JPH3: variants seen among roughly 807,000 people sequenced by gnomAD.
JPH3 encodes the protein junctophilin-3.
A neutral mutation model predicts 59.6 loss-of-function variants in JPH3; 11 were observed. The ratio of observed to expected loss-of-function variants is 0.18; its 90% CI spans 0.12 to 0.31. The LOEUF (loss-of-function observed/expected upper bound fraction) is 0.31. JPH3 is among the 10% of genes least tolerant of loss of function. JPH3 has a pLI of 1.00. For synonymous variants in JPH3, 673 were observed against 483.6 expected, an observed-to-expected ratio of 1.39 and a Z score of -5.14; for missense variants, 1,202 against 1,105.7, an observed-to-expected ratio of 1.09 and a Z score of -1.24.
At chr16:87,638,792 C>T (rs917851491) in intron 1 of JPH3, among the ~76,000 whole-genome samples, 5 of 152,178 alleles carry the variant, frequency 3.3e-5, no homozygotes, top group African/African-American at 1.2e-4. Context: ...GCTGAGAATT[C>T]AGGGACAGGA....
chr16:87,669,501 C>G (rs945069078), intron 2 of JPH3, among the ~76,000 whole-genome samples: 1 of 152,248 alleles, frequency 6.6e-6, no homozygotes, highest in African/African-American at 2.4e-5. Context: ...CTGGCAGCCT[C>G]TGAGCCTCAG....
intron 2 of JPH3, among the ~76,000 whole-genome samples, chr16:87,667,304 C>T (rs764598502): frequency 6.6e-5 from 10 of 152,332 alleles, no homozygotes; most frequent in Middle Eastern, 3.4e-3. Context: ...ATGCTTTTCC[C>T]GACGTGAATG....
intron 2 of JPH3, among the ~76,000 whole-genome samples, chr16:87,666,669 C>T (rs2032872428): frequency 6.6e-6 from 1 of 152,196 alleles, no homozygotes; most frequent in South Asian, 2.1e-4. Flanking sequence ...CTGGGTTCTC[C>T]AGACCCCCTC....
At chr16:87,684,090 C>T in intron 2 of JPH3, 52 bp from the exon 3 acceptor site, 2 of 1,423,650 alleles carry the variant, frequency 1.4e-6, no homozygotes, top group South Asian at 1.2e-5. Context: ...AACCCAGACC[C>T]CTGTCACCTG....
intron 1 of JPH3, among the ~76,000 whole-genome samples, chr16:87,641,270 T>C (rs925826736): frequency 6.6e-6 from 1 of 152,154 alleles, no homozygotes; most frequent in African/African-American, 2.4e-5. Flanking sequence ...TGCCACAGCC[T>C]AGTGGGTGGG....
chr16:87,672,082 C>T (rs956314343), intron 2 of JPH3, among the ~76,000 whole-genome samples: 67 of 151,848 alleles, frequency 4.4e-4, no homozygotes, highest in African/African-American at 1.5e-3. Context: ...CTAGGCTCCT[C>T]GCCGGGCGGG....
At chr16:87,696,218 C>A (rs1343247425) in intron 4 of JPH3, 1 of 438,994 alleles carries the variant, frequency 2.3e-6, no homozygotes, top group Admixed American at 2.6e-5. Flanking sequence ...GAGAAGCCTG[C>A]TGACTGGCAC....
rs1172040891 is a variant in JPH3 at position 87,697,620 on chromosome 16, A to C, written c.*960A>C. The C allele has an allele frequency of 6.6e-6, 1 of 152,238 alleles. No individual in the cohort carries two copies. Among genetic ancestry groups the C allele is most frequent in the African/African-American group, 2.4e-5 (1 of 41,414 alleles). 9.4% of individuals were successfully genotyped at this position (152,238 alleles called of 1,614,324 possible). ...TCTCCACGGGTTTTCACATCTCTGTACTGTGCCTGCCTCAACTTCCCCTAA... is the reference window on the plus strand; with the variant it reads ...TCTCCACGGGTTTTCACATCTCTGTCCTGTGCCTGCCTCAACTTCCCCTAA... On this transcript the variant is annotated 3_prime_UTR_variant, in exon 5 of 5. Transcript: ENST00000284262.
intron 2 of JPH3, among the ~76,000 whole-genome samples, chr16:87,676,825 C>G (rs770433268): frequency 2.6e-5 from 4 of 151,572 alleles, no homozygotes; most frequent in Non-Finnish European, 5.9e-5. Context: ...CACATGAGGT[C>G]AGGAGTTCAA....
At chr16:87,678,253 T>C (rs548592618) in intron 2 of JPH3, among the ~76,000 whole-genome samples, 1 of 150,502 alleles carries the variant, frequency 6.6e-6, no homozygotes, top group African/African-American at 2.4e-5. Context: ...AAAAATAAGA[T>C]TATAAACCAG....
intron 2 of JPH3, among the ~76,000 whole-genome samples, chr16:87,660,978 C>T (rs527298549): frequency 5.9e-5 from 9 of 152,316 alleles, no homozygotes; most frequent in African/African-American, 1.7e-4. Context: ...AGAAGTGTTT[C>T]GGATCTTGGC....
chr16:87,696,994 C>T lies in JPH3; in HGVS notation c.*334C>T, dbSNP rs879215514. ...AGCGGACGTTGTCCTCGTGGTCACA[C>T]GTCCCGTCTTGGGTGTGGATGGAGG... On this transcript the variant is annotated 3_prime_UTR_variant, in exon 5 of 5. Transcript: ENST00000284262. 6.1e-5 allele frequency: 21 copies of T among 343,946 alleles called. No homozygotes were observed. The highest frequency in any genetic ancestry group is 8.4e-5 in the Non-Finnish European group (15 of 177,828). 21.3% of individuals were successfully genotyped at this position (343,946 alleles called of 1,614,324 possible). A position where few individuals can be genotyped will look rare whatever the true frequency, so the allele number is the denominator to read the frequency against.
chr16:87,695,895 G>C (rs930603935), intron 4 of JPH3: 5 of 455,972 alleles, frequency 1.1e-5, no homozygotes, highest in Non-Finnish European at 1.8e-5. Flanking sequence ...GGCTGAAGGG[G>C]GAGTCTGGCA....
intron 1 of JPH3, among the ~76,000 whole-genome samples, chr16:87,617,379 A>G (rs1290477585): frequency 6.7e-6 from 1 of 149,146 alleles, no homozygotes; most frequent in East Asian, 1.9e-4. Context: ...CGTGAATTTA[A>G]AAAGCTGCTG....
chr16:87,604,287 CCTGCTGCTGCTGCTGCTGCTGCTG>C (rs71156237), intron 1 of JPH3: 27 of 1,432,906 alleles, frequency 1.9e-5, no homozygotes, highest in South Asian at 6.1e-5. Flanking sequence ...CAGGGAGCTG[CCTGCTGCTGCTGCTGCTGCTGCTG>C]CTGCTGCTGC....
intron 1 of JPH3, among the ~76,000 whole-genome samples, chr16:87,607,932 A>C (rs559355474): frequency 2.0e-5 from 3 of 152,364 alleles, no homozygotes; most frequent in African/African-American, 7.2e-5. Flanking sequence ...CCGTAAGGTG[A>C]AAAGAGAAAG....
chr16:87,661,549 G>A (rs780951076), intron 2 of JPH3, among the ~76,000 whole-genome samples: 14 of 152,250 alleles, frequency 9.2e-5, no homozygotes, highest in Non-Finnish European at 1.8e-4. Context: ...TCACCACCAT[G>A]TGTGACTGTC....
chr16:87,648,466 C>T (rs967166760), intron 2 of JPH3, among the ~76,000 whole-genome samples: 2 of 152,136 alleles, frequency 1.3e-5, no homozygotes, highest in Non-Finnish European at 2.9e-5. Context: ...TGTCCTCACC[C>T]GCCCCGGCCG....
At chr16:87,670,174 C>G (rs990116113) in intron 2 of JPH3, among the ~76,000 whole-genome samples, 1 of 152,166 alleles carries the variant, frequency 6.6e-6, no homozygotes, top group Admixed American at 6.5e-5. Flanking sequence ...CCGATGTGGG[C>G]AACTGTTGCA....
Sources: gnomAD v4.1 joint callset for allele counts (sites outside exome capture counted in the v4.1 genomes callset) on GRCh38, gnomAD v4.1.1 for gene constraint, MANE v1.5 for transcripts, NCBI Gene and HGNC (gene_info 2026-07-23, HGNC 2026-07-21) for gene names.